Variants in WDFY3 observed in about 807,000 individuals in gnomAD.
WDFY3 encodes WD repeat and FYVE domain containing 3.
In WDFY3, 66 loss-of-function variants were observed where a neutral mutation model predicts 409.6. That is an observed-to-expected ratio of 0.16 (90% CI 0.13 to 0.20). The LOEUF is 0.20. Among genes scored for constraint, WDFY3 ranks in the 10% least tolerant of loss-of-function variants. WDFY3 has a pLI of 1.00. For synonymous variants in WDFY3, 1,521 were observed against 1,537.1 expected (o/e 0.99, Z 0.25); for missense variants, 3,031 against 4,298.1 (o/e 0.71, Z 8.24).
intron 3 of WDFY3, among the ~76,000 whole-genome samples, chr4:84,861,517 G>A (rs1760629670): frequency 1.3e-5 from 2 of 152,092 alleles, no homozygotes; most frequent in East Asian, 1.9e-4. Context: ...TAAAAGGACA[G>A]TGAAAATGAT....
intron 10 of WDFY3, among the ~76,000 whole-genome samples, chr4:84,824,022 A>G (rs997052862): frequency 2.0e-5 from 3 of 152,324 alleles, no homozygotes; most frequent in African/African-American, 4.8e-5. Flanking sequence ...ATGTCCATCA[A>G]CTGGTGAAGA....
At chr4:84,876,922 A>C (rs1762865766) in intron 3 of WDFY3, among the ~76,000 whole-genome samples, 1 of 152,202 alleles carries the variant, frequency 6.6e-6, no homozygotes. Context: ...ATTTGTTCTA[A>C]ATTGAAAAGT....
rs1727539481 is a variant in WDFY3, at chr4:84,682,486, T to C, written c.9727-16A>G. The C allele has an allele frequency of 1.2e-6, 2 of 1,603,510 alleles. No individual in the cohort carries two copies. Among genetic ancestry groups the C allele is most frequent in the Non-Finnish European group, 1.7e-6 (2 of 1,173,172 alleles). On this transcript the variant is annotated splice_polypyrimidine_tract_variant and intron_variant, in intron 63 of 67. Transcript: ENST00000295888. ...TTCTCCAAAACTAAATTTAAATAAG[T>C]ACAAAAATTAAAAAGTTAAGAAACA...
chr4:84,734,682 G>A (rs1737139832), intron 43 of WDFY3, among the ~76,000 whole-genome samples: 1 of 152,058 alleles, frequency 6.6e-6, no homozygotes, highest in Non-Finnish European at 1.5e-5. Context: ...TCAGAGACTT[G>A]GATGCGTATT....
intron 5 of WDFY3, chr4:84,844,440 T>C: frequency 7.8e-7 from 1 of 1,289,048 alleles, no homozygotes; most frequent in Non-Finnish European, 1.0e-6. Flanking sequence ...TAACCACATC[T>C]TGGGAATGAA....
intron 58 of WDFY3, among the ~76,000 whole-genome samples, chr4:84,693,930 T>C (rs1482111097): frequency 6.6e-6 from 1 of 151,730 alleles, no homozygotes. Flanking sequence ...TTAAGATTAC[T>C]ATTTTTCAAT....
chr4:84,830,049 T>C (rs1015062233), intron 8 of WDFY3, among the ~76,000 whole-genome samples: 2 of 152,104 alleles, frequency 1.3e-5, no homozygotes, highest in African/African-American at 4.8e-5. Context: ...CACTGTTACA[T>C]AACAAAAGCT....
intron 2 of WDFY3, among the ~76,000 whole-genome samples, chr4:84,927,922 C>G (rs1358062229): frequency 6.6e-6 from 1 of 152,210 alleles, no homozygotes; most frequent in East Asian, 1.9e-4. Context: ...AATGCTTCAG[C>G]AGGCATTGAG....
chr4:84,765,008 C>T (rs1578418300), intron 32 of WDFY3, among the ~76,000 whole-genome samples: 1 of 152,020 alleles, frequency 6.6e-6, no homozygotes, highest in Non-Finnish European at 1.5e-5. Flanking sequence ...TTTTTCCCAT[C>T]GGACCAAGGT....
intron 1 of WDFY3, among the ~76,000 whole-genome samples, chr4:84,959,984 C>T (rs1036674415): frequency 6.6e-6 from 1 of 152,052 alleles, no homozygotes; most frequent in Admixed American, 6.5e-5. Context: ...ATAATATGAT[C>T]GAATTATGTC....
intron 24 of WDFY3, 22 bp from the exon 25 acceptor site, chr4:84,783,096 G>A (rs771400483): frequency 6.3e-7 from 1 of 1,592,810 alleles, no homozygotes; most frequent in Non-Finnish European, 8.6e-7. Context: ...GAAAGGAAAA[G>A]AATGTAATTA....
At chr4:84,962,401 A>G (rs1775026320) in intron 1 of WDFY3, among the ~76,000 whole-genome samples, 1 of 152,248 alleles carries the variant, frequency 6.6e-6, no homozygotes, top group Non-Finnish European at 1.5e-5. Context: ...GAAAGGCTAC[A>G]TAATGTATAA....
chr4:84,865,406 G>C (rs1761242461), intron 3 of WDFY3, among the ~76,000 whole-genome samples: 1 of 152,180 alleles, frequency 6.6e-6, no homozygotes. Context: ...TTAGCCTTCA[G>C]TGTTTGTCTC....
intron 1 of WDFY3, among the ~76,000 whole-genome samples, chr4:84,939,130 T>C (rs944949319): frequency 1.4e-4 from 22 of 152,132 alleles, no homozygotes; most frequent in African/African-American, 4.3e-4. Flanking sequence ...AACACTTCCA[T>C]AGCCTTTCTT....
intron 3 of WDFY3, among the ~76,000 whole-genome samples, chr4:84,864,747 C>G (rs964568249): frequency 6.6e-6 from 1 of 152,146 alleles, no homozygotes; most frequent in African/African-American, 2.4e-5. Context: ...TGGCCTTCAC[C>G]AGGCTTACTT....
chr4:84,699,158 C>T (rs1730657952), intron 56 of WDFY3, among the ~76,000 whole-genome samples: 1 of 151,864 alleles, frequency 6.6e-6, no homozygotes, highest in Admixed American at 6.6e-5. Flanking sequence ...TCTATCTAGT[C>T]CCAAAGCATT....
At chr4:84,941,721 A>G (rs1772156161) in intron 1 of WDFY3, among the ~76,000 whole-genome samples, 1 of 152,092 alleles carries the variant, frequency 6.6e-6, no homozygotes, top group African/African-American at 2.4e-5. Context: ...AATAGTCAAA[A>G]CGATTTGGAA....
intron 3 of WDFY3, among the ~76,000 whole-genome samples, chr4:84,893,138 T>TCAG (rs1765164026): frequency 6.6e-6 from 1 of 152,206 alleles, no homozygotes; most frequent in African/African-American, 2.4e-5. Context: ...TTACTTCTCT[T>TCAG]CAGCTGCTTT....
At chr4:84,780,343 T>G (rs199528206) in intron 25 of WDFY3, 45 bp from the exon 26 acceptor site, 2 of 1,563,510 alleles carry the variant, frequency 1.3e-6, no homozygotes, top group African/African-American at 2.7e-5. Context: ...ATTCCCCATG[T>G]GAACAAGAAC....
Sources: allele counts gnomAD v4.1 joint callset (sites outside exome capture counted in the v4.1 genomes callset), GRCh38; gene constraint gnomAD v4.1.1; transcripts MANE v1.5; gene names NCBI Gene and HGNC (gene_info 2026-07-23, HGNC 2026-07-21).